The following TNS1 variants were observed in gnomAD, a reference collection of about 807,000 sequenced individuals.
TNS1 encodes the protein tensin-1.
Under a neutral mutation model 168.6 loss-of-function variants are expected in TNS1, and 62 were observed. The ratio of observed to expected loss-of-function variants is 0.37; its 90% confidence interval spans 0.30 to 0.45. The LOEUF (loss-of-function observed/expected upper bound fraction) is 0.45. Ranked by LOEUF, TNS1 falls within the 20% of genes least tolerant of loss-of-function variation. TNS1 has a pLI of 1.00. For synonymous variants in TNS1, 934 were observed against 933.2 expected, an observed-to-expected ratio of 1.00 and a Z score of -0.02; for missense variants, 2,240 against 2,339.4, an observed-to-expected ratio of 0.96 and a Z score of 0.88.
At chr2:218,014,664 A>G (rs548036141), upstream of TNS1, among the ~76,000 whole-genome samples, 11 of 152,016 alleles carry the variant, frequency 7.2e-5, no homozygotes, top group Non-Finnish European at 1.5e-4. Context: ...CAATACGTTC[A>G]TTTCTTCCTA....
intron 19 of TNS1, among the ~76,000 whole-genome samples, chr2:217,840,353 G>A (rs550715617): frequency 1.1e-4 from 16 of 152,314 alleles, no homozygotes; most frequent in African/African-American, 3.6e-4. Context: ...GTTAGTGGAC[G>A]GCATCATTCT....
chr2:218,008,813 T>C (rs796133241), intron 1 of TNS1, among the ~76,000 whole-genome samples: 2 of 152,136 alleles, frequency 1.3e-5, no homozygotes, highest in African/African-American at 4.8e-5. Context: ...TCTCCATCCC[T>C]ACATACTCCA....
Position 217,818,597 on chromosome 2 carries a change from G to A in TNS1, c.3735C>T (p.Gly1245=). ...YQSSSPLPTV[G]SSYSSPDYSL... ...AGTAGTCGGGGCTGCTGTAGCTACT[G>A]CCCACAGTCGGGAGAGGAGAAGAGC... Residue 1245 remains glycine (G), a synonymous_variant, in exon 24 of 33, where the codon GGC becomes GGT. Coordinates refer to ENST00000682258, the MANE Select transcript of TNS1 (RefSeq NM_001387777.1). 1 of 1,614,222 alleles carries A rather than the reference G, an allele frequency of 6.2e-7. No homozygotes were observed. The highest frequency in any genetic ancestry group is 8.5e-7 in the Non-Finnish European group (1 of 1,180,040).
upstream of TNS1, among the ~76,000 whole-genome samples, chr2:218,012,659 T>C (rs114559458): frequency 0.018 from 2,743 of 151,956 alleles, 49 homozygotes; most frequent in Admixed American, 0.029. Context: ...ATACCCCATA[T>C]AGCTTCATGC....
chr2:217,938,728 G>A (rs1248510245), intron 3 of TNS1, among the ~76,000 whole-genome samples: 1 of 152,238 alleles, frequency 6.6e-6, no homozygotes, highest in Non-Finnish European at 1.5e-5. Context: ...TCCCAGAAGG[G>A]GAGCTCAGGC....
chr2:217,891,369 A>C (rs1951731590), intron 11 of TNS1, among the ~76,000 whole-genome samples: 1 of 152,054 alleles, frequency 6.6e-6, no homozygotes, highest in African/African-American at 2.4e-5. Context: ...CATTCTCCTC[A>C]CCCATCAAAT....
chr2:217,934,073 G>A, intron 3 of TNS1, among the ~76,000 whole-genome samples: 1 of 152,180 alleles, frequency 6.6e-6, no homozygotes, highest in East Asian at 1.9e-4. Context: ...TCACATATGA[G>A]GCTACTGAAC....
Position 217,880,686 on chromosome 2 carries a change from CT to C in TNS1, c.1429+211del, listed in dbSNP as rs1428443893. Among the ~76,000 whole-genome samples the C allele has an allele frequency of 6.6e-6, 1 of 152,140 alleles. No homozygotes were observed. Among genetic ancestry groups the C allele is most frequent in the East Asian group, 1.9e-4 (1 of 5,196 alleles). The stretch of plus-strand genomic sequence containing the variant: ...AACCCCCTTGTGGCCATTTTGCTGC[CT>C]TCTTTGGCTCTGTCCTCACTTTTAT... On this transcript the variant is annotated intron_variant, in intron 18 of 32. Transcript: ENST00000682258. The surrounding 1 kb of genome is among the most constrained non-coding windows in gnomAD (Gnocchi z 4.2).
At chr2:217,946,829 C>A (rs1020417630) in intron 3 of TNS1, among the ~76,000 whole-genome samples, 1 of 152,046 alleles carries the variant, frequency 6.6e-6, no homozygotes, top group South Asian at 2.1e-4. Flanking sequence ...AGGAAGTCAA[C>A]AAGCTAGAGG....
intron 12 of TNS1, among the ~76,000 whole-genome samples, 165 bp from the exon 13 acceptor site, chr2:217,886,811 T>G (rs986849316): frequency 2.6e-5 from 4 of 152,090 alleles, no homozygotes; most frequent in African/African-American, 9.7e-5. Context: ...CAGACATGCT[T>G]GCCTGCTGCT....
At chr2:217,929,206 C>T (rs1956187013) in intron 3 of TNS1, among the ~76,000 whole-genome samples, 1 of 152,204 alleles carries the variant, frequency 6.6e-6, no homozygotes, top group Non-Finnish European at 1.5e-5. Context: ...ATGGGCCTAC[C>T]CCAGGTGAAG....
rs1044352685 is a variant in TNS1 at position 217,802,556 on chromosome 2, G to A, written c.*1903C>T. 6.6e-6 allele frequency: 1 copy of A among 152,250 alleles called. No homozygotes were observed. Among genetic ancestry groups the A allele is most frequent in the Admixed American group, 6.5e-5 (1 of 15,280 alleles). The allele number at this position is 152,250 out of a possible 1,614,324, so 9.4% of individuals were successfully genotyped here. ...CCCCTGGCTTGCTGAAAAGTAAGGG[G>A]GCCAAAGGCTGGGACATGTGCAACC... is the stretch of plus-strand genomic sequence containing the variant. On this transcript the variant is annotated 3_prime_UTR_variant, in exon 33 of 33. Transcript: ENST00000682258.
intron 18 of TNS1, among the ~76,000 whole-genome samples, chr2:217,878,149 G>A (rs1175128010): frequency 6.6e-6 from 1 of 152,236 alleles, no homozygotes; most frequent in African/African-American, 2.4e-5. Context: ...CTGCACTGAA[G>A]TCTTGCTGAA....
chr2:218,021,541 G>C (rs1023571530), intron 1 of TNS1, among the ~76,000 whole-genome samples: 14 of 152,340 alleles, frequency 9.2e-5, no homozygotes, highest in South Asian at 2.1e-4. Flanking sequence ...ATCCAGTCTC[G>C]TGGTCTGCAC....
intron 4 of TNS1, among the ~76,000 whole-genome samples, chr2:217,907,941 G>A (rs1445302884): frequency 6.6e-6 from 1 of 152,094 alleles, no homozygotes; most frequent in Non-Finnish European, 1.5e-5. Context: ...CCTCCAGTTA[G>A]CCCTCCCTGG....
intron 7 of TNS1, among the ~76,000 whole-genome samples, chr2:217,899,017 C>T (rs930215126): frequency 2.6e-5 from 4 of 152,182 alleles, no homozygotes; most frequent in Admixed American, 1.3e-4. Context: ...TTCACCACAG[C>T]GGGATAAAGT....
chr2:217,885,880 A>AT, intron 14 of TNS1, 61 bp from the exon 15 acceptor site: 1 of 1,574,568 alleles, frequency 6.4e-7, no homozygotes, highest in Non-Finnish European at 8.7e-7. Flanking sequence ...AGGGAGGGGC[A>AT]TTTTCTCCCT....
At position 217,818,144 on chromosome 2, in the gene TNS1, T is replaced by C; in HGVS notation, c.4188A>G (p.Ile1396Met). ...NLASGLHSNA[I>M]ASPGSPSLGR... ...CCAGGCTGGGGCTTCCAGGGCTGGCTATTGCATTGCTATGAAGACCGGAGG... is the reference window on the plus strand; with the variant it reads ...CCAGGCTGGGGCTTCCAGGGCTGGCCATTGCATTGCTATGAAGACCGGAGG... The change falls in exon 24 of 33, where the codon ATA becomes ATG. Residue 1396 changes from isoleucine to methionine, a missense_variant. Physicochemically the swap from Ile to Met is conservative, Grantham distance 10. Transcript: ENST00000682258. 1 of 1,613,726 alleles carries C rather than the reference T, an allele frequency of 6.2e-7. No homozygotes were observed. The highest frequency in any genetic ancestry group is 1.1e-5 in the South Asian group (1 of 91,042).
chr2:217,898,297 C>T (rs1037583164), intron 7 of TNS1, among the ~76,000 whole-genome samples: 5 of 152,250 alleles, frequency 3.3e-5, no homozygotes, highest in African/African-American at 1.2e-4. Flanking sequence ...GAGCCAGGGC[C>T]AGACTGGCCC....
Sources: gnomAD v4.1 joint callset for allele counts (sites outside exome capture counted in the v4.1 genomes callset) on GRCh38, gnomAD v4.1.1 for gene constraint, Gnocchi (gnomAD v3.1) non-coding constraint, MANE v1.5 for transcripts, NCBI Gene and HGNC (gene_info 2026-07-23, HGNC 2026-07-21) for gene names.